Variants in SORCS2 observed in about 807,000 individuals in gnomAD.
SORCS2 encodes VPS10 domain-containing receptor SorCS2.
Under a neutral mutation model 141.6 loss-of-function variants are expected in SORCS2, and 100 were observed. That is an observed-to-expected ratio of 0.71 (90% CI 0.60 to 0.83). The LOEUF is 0.83. Among genes scored for constraint, SORCS2 ranks in the 40% least tolerant of loss-of-function variants. The probability of loss-of-function intolerance (pLI) is 0.00; values close to 1 mark genes in which losing one functional copy is unlikely to be tolerated. For missense variants in SORCS2, 1,646 were observed against 1,560.2 expected, an observed-to-expected ratio of 1.05 and a Z score of -0.93; for synonymous variants, 789 against 676.9, an observed-to-expected ratio of 1.17 and a Z score of -2.57.
intron 2 of SORCS2, among the ~76,000 whole-genome samples, chr4:7,480,723 G>C (rs1226759231): frequency 2.6e-5 from 4 of 152,232 alleles, no homozygotes; most frequent in Non-Finnish European, 5.9e-5. Flanking sequence ...GAGTTGTGGG[G>C]AGGGCGCTGA....
chr4:7,394,619 C>G (rs1055083557), intron 1 of SORCS2, among the ~76,000 whole-genome samples: 6 of 151,860 alleles, frequency 4.0e-5, no homozygotes, highest in Middle Eastern at 3.4e-3. Context: ...GGGGACTCTC[C>G]CCTCGAGGGA....
chr4:7,416,607 T>C (rs1335683402), intron 2 of SORCS2, among the ~76,000 whole-genome samples: 1 of 151,604 alleles, frequency 6.6e-6, no homozygotes, highest in Non-Finnish European at 1.5e-5. Context: ...CTTGTGCGTA[T>C]ACACAGACAC....
In SORCS2 at chr4:7,528,302, A is replaced by G. The variant is rs772223620; in HGVS notation, c.549-3228A>G. ...GGTGAGTGGGTGAATCAATGTTCCTAGTGTCTGCAGGAGTTGGACTTGGGA... is the reference window on the plus strand; with the variant it reads ...GGTGAGTGGGTGAATCAATGTTCCTGGTGTCTGCAGGAGTTGGACTTGGGA... On this transcript the variant is annotated intron_variant, in intron 2 of 26. Coordinates refer to ENST00000507866, the MANE Select transcript of SORCS2 (RefSeq NM_020777.3). Among the ~76,000 whole-genome samples, 68 of 151,994 alleles carry G rather than the reference A, an allele frequency of 4.5e-4. 1 individual carries two copies. The highest frequency in any genetic ancestry group is 7.9e-4 in the Non-Finnish European group (54 of 68,004).
chr4:7,348,121 A>C (rs1351798058), intron 1 of SORCS2, among the ~76,000 whole-genome samples: 1 of 152,254 alleles, frequency 6.6e-6, no homozygotes, highest in Admixed American at 6.5e-5. Flanking sequence ...CCCTCGTGTC[A>C]GGCCAAGGAG....
chr4:7,547,463 C>T (rs1044145931), intron 3 of SORCS2, among the ~76,000 whole-genome samples: 1 of 152,252 alleles, frequency 6.6e-6, no homozygotes, highest in African/African-American at 2.4e-5. Context: ...GCCTGCTCAC[C>T]TCTGCAAATT....
intron 2 of SORCS2, among the ~76,000 whole-genome samples, chr4:7,489,742 G>A (rs915143280): frequency 7.9e-6 from 1 of 126,676 alleles, no homozygotes; most frequent in African/African-American, 2.9e-5. Flanking sequence ...CACAGACGGA[G>A]TCTGTGTTTT....
At chr4:7,622,264 A>G (rs981139318) in intron 3 of SORCS2, among the ~76,000 whole-genome samples, 1 of 152,174 alleles carries the variant, frequency 6.6e-6, no homozygotes, top group Non-Finnish European at 1.5e-5. Flanking sequence ...CGAGGCCCCC[A>G]TAGACTACAG....
At chr4:7,259,306 C>T (rs973287023) in intron 1 of SORCS2, among the ~76,000 whole-genome samples, 5 of 152,196 alleles carry the variant, frequency 3.3e-5, no homozygotes, top group Non-Finnish European at 5.9e-5. Context: ...AGCTGAGGTC[C>T]GCAGAGTTCA....
chr4:7,470,702 G>A lies in SORCS2; in HGVS notation c.549-60828G>A, dbSNP rs927201324. Among the ~76,000 whole-genome samples the A allele has an allele frequency of 3.3e-5, 5 of 152,328 alleles. No homozygotes were observed. The East Asian group carries it at 9.7e-4, about 29-fold the overall frequency. ...AGGGCTCGGAGGAAAAACAGTGGAA[G>A]AACAGTCAGGACTGAGCTTGGGGAC... On this transcript the variant is annotated intron_variant, in intron 2 of 26. Transcript: ENST00000507866.
chr4:7,741,323 G>T lies in SORCS2; in HGVS notation c.*1059G>T. The T allele has an allele frequency of 2.5e-6, 1 of 398,962 alleles. No homozygotes were observed. The allele number at this position is 398,962 out of a possible 1,614,324, so 24.7% of individuals were successfully genotyped here. On this transcript the variant is annotated 3_prime_UTR_variant, in exon 27 of 27. Coordinates refer to ENST00000507866, the MANE Select transcript of SORCS2 (RefSeq NM_020777.3). ...GGCCCAGGGAGGAGAGTAACTGAAG[G>T]TCACAGCACGGTCACAGCAGAGGTG... is the stretch of plus-strand genomic sequence containing the variant.
intron 23 of SORCS2, among the ~76,000 whole-genome samples, chr4:7,731,368 T>C (rs1386776394): frequency 6.6e-6 from 1 of 152,214 alleles, no homozygotes; most frequent in Admixed American, 6.5e-5. Flanking sequence ...GAAGAATTTA[T>C]ATTATTAAGA....
At position 7,510,236 on chromosome 4, in the gene SORCS2, G is replaced by A. The variant is rs58695350; in HGVS notation, c.549-21294G>A. ...CCCGTCGGGTGGAGCGGCCGGCGGG[G>A]CTGAGGCTCCCTCCGCTGAGTGTCC... On this transcript the variant is annotated intron_variant, in intron 2 of 26. Transcript: ENST00000507866. Among the ~76,000 whole-genome samples, 446 of 152,360 alleles carry A rather than the reference G, an allele frequency of 2.9e-3. 8 individuals carry two copies. The highest frequency in any genetic ancestry group is 0.01 in the African/African-American group (418 of 41,588).
intron 13 of SORCS2, 52 bp downstream of exon 13, chr4:7,703,423 T>C: frequency 6.7e-7 from 1 of 1,488,354 alleles, no homozygotes; most frequent in Non-Finnish European, 9.2e-7. Flanking sequence ...GGGCTCTTTC[T>C]TTCCACCTGG....
intron 2 of SORCS2, among the ~76,000 whole-genome samples, chr4:7,441,579 G>A (rs1262617906): frequency 1.3e-5 from 2 of 151,906 alleles, no homozygotes; most frequent in East Asian, 1.9e-4. Context: ...GCCAAGGAAG[G>A]GTAGAGCCTG....
intron 2 of SORCS2, among the ~76,000 whole-genome samples, chr4:7,459,022 G>A (rs768419140): frequency 6.6e-5 from 10 of 152,122 alleles, no homozygotes; most frequent in Non-Finnish European, 1.5e-4. Context: ...AGAGAAGCCT[G>A]CTGGGCTCCT....
chr4:7,697,436 T>C (rs1250264391), intron 12 of SORCS2, among the ~76,000 whole-genome samples, 162 bp downstream of exon 12: 1 of 152,198 alleles, frequency 6.6e-6, no homozygotes, highest in African/African-American at 2.4e-5. Flanking sequence ...CAGGGCTCAC[T>C]TTAGCAGATG....
intron 1 of SORCS2, among the ~76,000 whole-genome samples, chr4:7,342,078 C>A (rs1036293609): frequency 3.9e-5 from 6 of 152,218 alleles, no homozygotes; most frequent in Non-Finnish European, 7.3e-5. Context: ...GAATAGACCA[C>A]ATTTTGTGTA....
intron 1 of SORCS2, among the ~76,000 whole-genome samples, chr4:7,377,710 G>A (rs570070249): frequency 3.9e-5 from 6 of 152,216 alleles, no homozygotes; most frequent in East Asian, 1.9e-4. Context: ...AATGCCAGGC[G>A]TGTGATTTAG....
chr4:7,559,654 G>A (rs997529127), intron 3 of SORCS2, among the ~76,000 whole-genome samples: 1 of 152,184 alleles, frequency 6.6e-6, no homozygotes, highest in African/African-American at 2.4e-5. Context: ...GGGGGCCTGG[G>A]TCTGAGCCTG....
Sources: gnomAD v4.1 joint callset for allele counts (sites outside exome capture counted in the v4.1 genomes callset) on GRCh38, gnomAD v4.1.1 for gene constraint, MANE v1.5 for transcripts, NCBI Gene and HGNC (gene_info 2026-07-23, HGNC 2026-07-21) for gene names.